NR3C2: variants seen among roughly 807,000 people sequenced by gnomAD.
The protein encoded by NR3C2 is nuclear receptor subfamily 3 group C member 2, also known as mineralocorticoid receptor.
In NR3C2, 15 loss-of-function variants were observed where a neutral mutation model predicts 86.4. The ratio of observed to expected loss-of-function variants is 0.17; its 90% CI spans 0.12 to 0.27. NR3C2 has a LOEUF of 0.27. Ranked by LOEUF, NR3C2 falls within the 10% of genes least tolerant of loss-of-function variation. The pLI is 1.00. For missense variants in NR3C2, 960 were observed against 1,195.6 expected, an observed-to-expected ratio of 0.80 and a Z score of 2.91; for synonymous variants, 458 against 450.5, an observed-to-expected ratio of 1.02 and a Z score of -0.21.
At chr4:148,334,333 G>A (rs556685362) in intron 2 of NR3C2, among the ~76,000 whole-genome samples, 53 of 152,270 alleles carry the variant, frequency 3.5e-4, no homozygotes, top group South Asian at 2.3e-3. Flanking sequence ...ACCTGACGTC[G>A]GGAGTTCGAG....
chr4:148,186,786 C>T (rs1735916883), intron 4 of NR3C2, among the ~76,000 whole-genome samples: 1 of 150,428 alleles, frequency 6.6e-6, no homozygotes, highest in African/African-American at 2.4e-5. Flanking sequence ...CCCCCAAGTC[C>T]CCAGAGTCCA....
chr4:148,339,272 C>A (rs1335776061), intron 2 of NR3C2, among the ~76,000 whole-genome samples: 1 of 152,176 alleles, frequency 6.6e-6, no homozygotes, highest in Non-Finnish European at 1.5e-5. Context: ...GTTTTAAGTT[C>A]TTAAGTAAGG....
In NR3C2 at chr4:148,120,210, C is replaced by A. The variant is rs753227599; in HGVS notation, c.2589G>T (p.Gln863His). 3 of 1,614,040 alleles carry A rather than the reference C, an allele frequency of 1.9e-6. No individual in the cohort carries two copies. In the African/African-American group the frequency reaches 4.0e-5, roughly 22 times the overall value. The change falls in exon 7 of 9, where the codon CAG becomes CAT. Residue 863 changes from glutamine (Q) to histidine (H), a missense_variant. Coordinates refer to ENST00000358102, the MANE Select transcript of NR3C2 (RefSeq NM_000901.5). ...TGATGGTGTATTCTTCAAAGGTGAG[C>A]TGCAGTCGAACGAACTGAAGGCTGA... ...HQISLQFVRL[Q>H]LTFEEYTIMK...
chr4:148,290,664 C>T (rs1741754758), intron 2 of NR3C2, among the ~76,000 whole-genome samples: 2 of 152,200 alleles, frequency 1.3e-5, no homozygotes, highest in South Asian at 4.1e-4. Flanking sequence ...GGCATATATA[C>T]CTGAAATGGT....
At chr4:148,401,458 T>C (rs947797527) in intron 2 of NR3C2, among the ~76,000 whole-genome samples, 1 of 117,568 alleles carries the variant, frequency 8.5e-6, no homozygotes, top group African/African-American at 2.9e-5. Flanking sequence ...GATAAAGTTG[T>C]CTCTTTTTTT....
At chr4:148,400,298 C>T (rs535459188) in intron 2 of NR3C2, among the ~76,000 whole-genome samples, 76 of 152,270 alleles carry the variant, frequency 5.0e-4, no homozygotes, top group African/African-American at 1.7e-3. Flanking sequence ...CTCTAGACTG[C>T]CTTCTACTTA....
chr4:148,427,431 A>AG (rs1267756954), intron 2 of NR3C2, among the ~76,000 whole-genome samples: 1 of 152,032 alleles, frequency 6.6e-6, no homozygotes, highest in Non-Finnish European at 1.5e-5. Flanking sequence ...CAGTGAAGAA[A>AG]GGGGGTGGCC....
intron 8 of NR3C2, among the ~76,000 whole-genome samples, chr4:148,090,158 T>C (rs1227435848): frequency 2.0e-5 from 3 of 152,224 alleles, no homozygotes; most frequent in African/African-American, 7.2e-5. Flanking sequence ...ACCTGCTCTG[T>C]GCCAGGCACT....
At chr4:148,443,456 G>A (rs1026880802), upstream of NR3C2, among the ~76,000 whole-genome samples, 2 of 152,020 alleles carry the variant, frequency 1.3e-5, no homozygotes, top group Admixed American at 6.5e-5. Context: ...CAGACAGGAG[G>A]GGGGAAGGAA....
chr4:148,320,708 A>G (rs1204528085), intron 2 of NR3C2, among the ~76,000 whole-genome samples: 41 of 151,964 alleles, frequency 2.7e-4, no homozygotes, highest in African/African-American at 9.2e-4. Context: ...TATTTCTGTG[A>G]GATTGGTGGT....
At chr4:148,185,585 G>C (rs754429021) in intron 4 of NR3C2, among the ~76,000 whole-genome samples, 36 of 152,212 alleles carry the variant, frequency 2.4e-4, no homozygotes, top group South Asian at 2.1e-3. Flanking sequence ...AGGCACAGAA[G>C]GATCTACAGT....
intron 6 of NR3C2, among the ~76,000 whole-genome samples, chr4:148,120,802 TTTTAAAAGGGAAATTAAAAAATAC>T (rs1182693427): frequency 6.6e-6 from 1 of 152,204 alleles, no homozygotes; most frequent in Non-Finnish European, 1.5e-5. Flanking sequence ...CAGCAACATG[TTTTAAAAGGGAAATTAAAAAATAC>T]TTTAAAAGGT....
intron 2 of NR3C2, among the ~76,000 whole-genome samples, chr4:148,331,466 C>A (rs1744233798): frequency 6.6e-6 from 1 of 151,958 alleles, no homozygotes; most frequent in East Asian, 1.9e-4. Context: ...TCTCCTGATT[C>A]AAAAAAGTAA....
upstream of NR3C2, chr4:148,445,059 C>A (rs1468801449): frequency 1.8e-5 from 17 of 950,992 alleles, no homozygotes; most frequent in Admixed American, 9.8e-4. Context: ...TCCGGCCACC[C>A]GCGGGTGGGA....
intron 8 of NR3C2, among the ~76,000 whole-genome samples, chr4:148,104,341 G>GTTTTT (rs1553985370): frequency 4.1e-5 from 5 of 122,346 alleles, no homozygotes; most frequent in African/African-American, 1.8e-4. Context: ...GTTTTGGTTT[G>GTTTTT]GTTTTTTTTT....
At chr4:148,378,820 G>A (rs1746809500) in intron 2 of NR3C2, among the ~76,000 whole-genome samples, 1 of 152,152 alleles carries the variant, frequency 6.6e-6, no homozygotes, top group African/African-American at 2.4e-5. Flanking sequence ...TGCGAGAACA[G>A]ACTCATACAC....
intron 1 of NR3C2, among the ~76,000 whole-genome samples, chr4:148,439,457 C>A (rs748184144): frequency 2.0e-5 from 3 of 152,146 alleles, no homozygotes; most frequent in Non-Finnish European, 2.9e-5. Flanking sequence ...GGAAGTTACT[C>A]TTGTCTCAAC....
intron 7 of NR3C2, among the ~76,000 whole-genome samples, chr4:148,117,640 C>T (rs1732331991): frequency 6.6e-6 from 1 of 152,138 alleles, no homozygotes; most frequent in African/African-American, 2.4e-5. Flanking sequence ...TTGCAAGGTG[C>T]CAAACACAGG....
chr4:148,421,380 T>G (rs1266155250), intron 2 of NR3C2, among the ~76,000 whole-genome samples: 1 of 152,198 alleles, frequency 6.6e-6, no homozygotes, highest in African/African-American at 2.4e-5. Context: ...TAGCAGTGTA[T>G]TCGTCTCTTT....
Sources: gnomAD v4.1 joint callset for allele counts (sites outside exome capture counted in the v4.1 genomes callset) on GRCh38, gnomAD v4.1.1 for gene constraint, MANE v1.5 for transcripts, NCBI Gene and HGNC (gene_info 2026-07-23, HGNC 2026-07-21) for gene names.